TAFA2: variants seen among roughly 807,000 people sequenced by gnomAD.
TAFA2 encodes the protein chemokine-like protein TAFA-2.
A neutral mutation model predicts 18.8 loss-of-function variants in TAFA2; 7 were observed. The observed-to-expected ratio is 0.37, with a 90% CI of 0.21 to 0.70. The LOEUF is 0.70. TAFA2 is among the 30% of genes least tolerant of loss of function. The pLI, the probability that TAFA2 is intolerant of heterozygous loss-of-function variation, is 0.53. For missense variants in TAFA2, 122 were observed against 158.1 expected, an observed-to-expected ratio of 0.77 and a Z score of 1.23; for synonymous variants, 60 against 54.2, an observed-to-expected ratio of 1.11 and a Z score of -0.47.
At chr12:61,713,799 C>A (rs1234532998) in intron 4 of TAFA2, among the ~76,000 whole-genome samples, 3 of 152,018 alleles carry the variant, frequency 2.0e-5, no homozygotes, top group Non-Finnish European at 4.4e-5. Flanking sequence ...TTCTGGCATG[C>A]TGGGGGGGAA....
At chr12:62,194,496 T>C (rs1230442846), upstream of TAFA2, among the ~76,000 whole-genome samples, 1 of 152,202 alleles carries the variant, frequency 6.6e-6, no homozygotes, top group African/African-American at 2.4e-5. Flanking sequence ...GTTTTTACAA[T>C]ATATGAAAAA....
chr12:62,102,138 C>T (rs572973332), intron 1 of TAFA2, among the ~76,000 whole-genome samples: 6 of 152,276 alleles, frequency 3.9e-5, no homozygotes, highest in South Asian at 4.1e-4. Context: ...TTTCTTCCTG[C>T]TTTCATTATA....
chr12:61,818,354 T>C (rs78725397), intron 2 of TAFA2, among the ~76,000 whole-genome samples: 3,672 of 152,132 alleles, frequency 0.024, 143 homozygotes, highest in African/African-American at 0.084. Context: ...ATAAGTAACA[T>C]AACTTCTCAG....
chr12:62,077,695 C>A (rs889829882), intron 1 of TAFA2, among the ~76,000 whole-genome samples: 3 of 152,148 alleles, frequency 2.0e-5, no homozygotes, highest in Admixed American at 1.3e-4. Context: ...AAAGACTAAT[C>A]AGTATTTTCC....
At chr12:61,732,737 G>T (rs10653500) in intron 4 of TAFA2, among the ~76,000 whole-genome samples, 94,863 of 150,298 alleles carry the variant, frequency 0.63, 30,385 homozygotes, top group East Asian at 0.73. Context: ...GATTTTTTGT[G>T]TGTGTGTGTG....
chr12:62,224,122 A>C (rs553456508), intron 1 of TAFA2, among the ~76,000 whole-genome samples: 1 of 137,492 alleles, frequency 7.3e-6, no homozygotes, highest in Non-Finnish European at 1.5e-5. Flanking sequence ...CACACACACA[A>C]TGGAATATTA....
chr12:61,979,002 T>C (rs893675480), intron 1 of TAFA2, among the ~76,000 whole-genome samples: 1 of 152,134 alleles, frequency 6.6e-6, no homozygotes, highest in Non-Finnish European at 1.5e-5. Flanking sequence ...CAGGAAACTG[T>C]GTGAAATTCA....
chr12:62,048,443 T>C (rs772281345), intron 1 of TAFA2, among the ~76,000 whole-genome samples: 2 of 152,186 alleles, frequency 1.3e-5, no homozygotes, highest in Non-Finnish European at 2.9e-5. Flanking sequence ...GTGGGGATTA[T>C]CAGGATTCTG....
At chr12:62,054,099 G>A (rs1269257889) in intron 1 of TAFA2, among the ~76,000 whole-genome samples, 1 of 152,198 alleles carries the variant, frequency 6.6e-6, no homozygotes, top group East Asian at 1.9e-4. Flanking sequence ...ATACAGCTGT[G>A]TACTTCCAGT....
chr12:61,878,712 C>T (rs1427373312), intron 1 of TAFA2, among the ~76,000 whole-genome samples: 1 of 152,174 alleles, frequency 6.6e-6, no homozygotes, highest in Non-Finnish European at 1.5e-5. Context: ...ATGTCTCTAC[C>T]TCTTGTAGGC....
At chr12:62,034,637 A>G (rs1368418006) in intron 1 of TAFA2, among the ~76,000 whole-genome samples, 5 of 152,158 alleles carry the variant, frequency 3.3e-5, no homozygotes, top group Non-Finnish European at 7.4e-5. Flanking sequence ...TTTGGATCAT[A>G]AAATGATCCC....
In TAFA2 at chr12:61,943,701, C is replaced by A. The variant is rs554484413; in HGVS notation, c.-1-76275G>T. On this transcript the variant is annotated intron_variant, in intron 1 of 4. Transcript: ENST00000416284. ...TTAAATCAACAAAGATCAGAAGAGA[C>A]AAAGAAGGCCATTACATAATGGTAA... Among the ~76,000 whole-genome samples, 4 of 151,960 alleles carry A rather than the reference C, an allele frequency of 2.6e-5. No individual in the cohort carries two copies. The South Asian group carries it at 8.4e-4, about 32-fold the overall frequency.
rs1166469649 is a variant in TAFA2 at position 61,867,374 on chromosome 12, T to G, written c.52A>C (p.Ile18Leu). 1.2e-6 allele frequency: 2 copies of G among 1,609,814 alleles called. No homozygotes were observed. The highest frequency in any genetic ancestry group is 1.7e-6 in the Non-Finnish European group (2 of 1,176,992). Residue 18 changes from isoleucine to leucine, a missense_variant, in exon 2 of 5, where the codon ATA becomes CTA. By Grantham distance (5) the Ile-to-Leu change is conservative. Around this residue, in one of 2 missense-constraint regions of TAFA2, gnomAD observed 62 missense variants for 55.5 expected, o/e 1.12. Coordinates refer to ENST00000416284, the MANE Select transcript of TAFA2 (RefSeq NM_178539.5). ...TTCCCCCACAAGGTTACAATAAATA[T>G]TATTATTAGCAGTTTTCCTTTTGTT... The part of the protein sequence containing the change: ...KATKGKLLII[I>L]FIVTLWGKVV...
chr12:61,999,120 A>G (rs888987196), intron 1 of TAFA2, among the ~76,000 whole-genome samples: 1 of 152,340 alleles, frequency 6.6e-6, no homozygotes, highest in East Asian at 1.9e-4. Flanking sequence ...ACTGGCCATA[A>G]GAAGATCTTA....
At chr12:61,960,750 G>C (rs1313948366) in intron 1 of TAFA2, among the ~76,000 whole-genome samples, 1 of 140,808 alleles carries the variant, frequency 7.1e-6, no homozygotes, top group Non-Finnish European at 1.5e-5. Flanking sequence ...GTTTTTTAAA[G>C]TTTAGCCACT....
intron 1 of TAFA2, among the ~76,000 whole-genome samples, chr12:62,090,054 G>C (rs759828231): frequency 1.4e-4 from 21 of 152,014 alleles, no homozygotes; most frequent in Non-Finnish European, 5.9e-5. Flanking sequence ...TGAATATTGT[G>C]AGCCACACAT....
intron 1 of TAFA2, among the ~76,000 whole-genome samples, chr12:62,202,052 G>A (rs193123401): frequency 1.2e-3 from 186 of 152,114 alleles, no homozygotes; most frequent in African/African-American, 3.6e-3. Context: ...ATTCTCTGAC[G>A]GCTGTTTGTA....
chr12:61,724,543 C>G (rs1251765657), intron 4 of TAFA2, among the ~76,000 whole-genome samples: 2 of 151,990 alleles, frequency 1.3e-5, no homozygotes, highest in East Asian at 1.9e-4. Flanking sequence ...CCCTCACCAT[C>G]CCTTCTCCCC....
chr12:62,221,642 T>C (rs1488779914), intron 1 of TAFA2, among the ~76,000 whole-genome samples: 2 of 152,084 alleles, frequency 1.3e-5, no homozygotes, highest in Non-Finnish European at 2.9e-5. Context: ...AAAAATAAAA[T>C]TGGACCCTAA....
Sources: allele counts gnomAD v4.1 joint callset (sites outside exome capture counted in the v4.1 genomes callset), GRCh38; gene constraint gnomAD v4.1.1; regional missense constraint gnomAD v4.1.1; transcripts MANE v1.5; gene names NCBI Gene and HGNC (gene_info 2026-07-23, HGNC 2026-07-21).